USP3: variants seen among roughly 807,000 people sequenced by gnomAD.
USP3 encodes the protein ubiquitin carboxyl-terminal hydrolase 3.
A neutral mutation model predicts 72.3 loss-of-function variants in USP3; 20 were observed. The observed-to-expected ratio is 0.28, with a 90% CI of 0.19 to 0.40. USP3 has a LOEUF of 0.40. Ranked by LOEUF, USP3 falls within the 10% of genes least tolerant of loss-of-function variation. The probability of loss-of-function intolerance (pLI) is 1.00; values close to 1 mark genes in which losing one functional copy is unlikely to be tolerated. For synonymous variants in USP3, 222 were observed against 225.3 expected (o/e 0.99, Z 0.13); for missense variants, 479 against 633.9 (o/e 0.76, Z 2.62).
intron 1 of USP3, 99 bp from the exon 2 acceptor site, chr15:63,532,548 A>C: frequency 7.1e-7 from 1 of 1,411,820 alleles, no homozygotes; most frequent in Non-Finnish European, 1.0e-6. Context: ...CAGCATTCCT[A>C]CATAGCCATG....
At chr15:63,505,040 A>G (rs1273014253) in intron 1 of USP3, among the ~76,000 whole-genome samples, 3 of 150,740 alleles carry the variant, frequency 2.0e-5, no homozygotes, top group Admixed American at 2.0e-4. Flanking sequence ...CGGCCGGGCC[A>G]GCGAAGGAGA....
At chr15:63,512,918 C>T (rs973190428) in intron 1 of USP3, among the ~76,000 whole-genome samples, 2 of 152,196 alleles carry the variant, frequency 1.3e-5, no homozygotes, top group African/African-American at 4.8e-5. Flanking sequence ...TAGTTAGATG[C>T]TTCACAATTA....
rs1567111818 is a variant in USP3 at position 63,553,525 on chromosome 15, T to C, written c.285-190T>C. On this transcript the variant is annotated intron_variant, in intron 3 of 14. Coordinates refer to ENST00000380324, the MANE Select transcript of USP3 (RefSeq NM_006537.4). The surrounding 1 kb of genome is among the most constrained non-coding windows in gnomAD (Gnocchi z 4.2). ...TGAAAAGAAGCTCATGTTCATTGCC[T>C]ACGTGGCTTTTAAAAAAGACTCTTG... 4.6e-6 allele frequency: 2 copies of C among 435,618 alleles called. No homozygotes were observed. Among genetic ancestry groups the C allele is most frequent in the Non-Finnish European group, 8.1e-6 (2 of 247,508 alleles). The allele number at this position is 435,618 out of a possible 1,614,324, so 27.0% of individuals were successfully genotyped here.
rs538025233 is a variant in USP3 at position 63,530,160 on chromosome 15, T to G, written c.92-2487T>G. Among the ~76,000 whole-genome samples, 5 of 151,988 alleles carry G rather than the reference T, an allele frequency of 3.3e-5. No individual in the cohort carries two copies. In the South Asian group the frequency reaches 1.0e-3, roughly 32 times the overall value. ...TCAAAACAAAACAAAAACACAACCT[T>G]GGGCCTAAACTTACTATTGTAACGT... On this transcript the variant is annotated intron_variant, in intron 1 of 14. Coordinates refer to ENST00000380324, the MANE Select transcript of USP3 (RefSeq NM_006537.4).
chr15:63,538,506 T>A (rs2066193385), intron 3 of USP3, among the ~76,000 whole-genome samples: 1 of 151,866 alleles, frequency 6.6e-6, no homozygotes, highest in African/African-American at 2.4e-5. Flanking sequence ...AAGGTGCCCA[T>A]CAAAAGGAAG....
At chr15:63,532,136 G>GTT (rs2152658864) in intron 1 of USP3, among the ~76,000 whole-genome samples, 1 of 152,210 alleles carries the variant, frequency 6.6e-6, no homozygotes, top group South Asian at 2.1e-4. Context: ...ATTATGTGCA[G>GTT]TTGTCATATA....
rs748609348 is a variant in USP3 at position 63,574,293 on chromosome 15, GCT to G, written c.1016-25_1016-24del. 3.9e-6 allele frequency: 6 copies of G among 1,550,262 alleles called. No individual in the cohort carries two copies. The highest frequency in any genetic ancestry group is 5.2e-6 in the Non-Finnish European group (6 of 1,151,138). ...TGAATGGACATATATGCCTTTAACA[GCT>G]CTCTGTTTACCTCTCTCTCCTTTTA... is the stretch of plus-strand genomic sequence containing the variant. On this transcript the variant is annotated intron_variant, in intron 10 of 14. Coordinates refer to ENST00000380324, the MANE Select transcript of USP3 (RefSeq NM_006537.4). This position sits in a 1 kb window ranked among gnomAD's most constrained non-coding sequence, Gnocchi z 4.6.
rs546712582 is a variant in USP3, at chr15:63,554,827, A to G, written c.368+1029A>G. ...AACCAATTAAAGTACTTCAGGTTTAAGTACTTCTTGGTTTGTCATCTTTTG... is the reference window on the plus strand; with the variant it reads ...AACCAATTAAAGTACTTCAGGTTTAGGTACTTCTTGGTTTGTCATCTTTTG... On this transcript the variant is annotated intron_variant, in intron 4 of 14. Coordinates refer to ENST00000380324, the MANE Select transcript of USP3 (RefSeq NM_006537.4). 2.1e-4 allele frequency among the ~76,000 whole-genome samples: 32 copies of G among 152,346 alleles called. 1 individual carries two copies. The highest frequency in any genetic ancestry group is 7.5e-4 in the African/African-American group (31 of 41,574).
intron 1 of USP3, among the ~76,000 whole-genome samples, chr15:63,516,784 GT>G (rs562807101): frequency 6.0e-4 from 88 of 147,220 alleles, no homozygotes; most frequent in African/African-American, 1.7e-3. Context: ...GGCATGGGTA[GT>G]TTTTTTTTTA....
intron 9 of USP3, among the ~76,000 whole-genome samples, chr15:63,571,621 A>G (rs2066780191): frequency 6.6e-6 from 1 of 152,194 alleles, no homozygotes; most frequent in Non-Finnish European, 1.5e-5. Flanking sequence ...TCATCCACAA[A>G]GGATATTGAA....
At chr15:63,587,377 G>C (rs1312790318) in intron 11 of USP3, among the ~76,000 whole-genome samples, 1 of 152,120 alleles carries the variant, frequency 6.6e-6, no homozygotes, top group Non-Finnish European at 1.5e-5. Context: ...ATATCTGATT[G>C]CATCAGGAAT....
intron 1 of USP3, among the ~76,000 whole-genome samples, chr15:63,519,387 T>C (rs1201185563): frequency 1.3e-5 from 2 of 152,098 alleles, no homozygotes; most frequent in Non-Finnish European, 2.9e-5. Flanking sequence ...GAAGAGTTCA[T>C]TTCAGTTATT....
At position 63,594,306 on chromosome 15, in the gene USP3, GC is replaced by G. The variant is rs1410133530; in HGVS notation, c.*3482del. 22 of 152,226 alleles carry G rather than the reference GC, an allele frequency of 1.4e-4. No individual in the cohort carries two copies. The highest frequency in any genetic ancestry group is 5.1e-4 in the African/African-American group (21 of 41,432). The allele number at this position is 152,226 out of a possible 1,614,324, so 9.4% of individuals were successfully genotyped here. On this transcript the variant is annotated 3_prime_UTR_variant, in exon 15 of 15. Transcript: ENST00000380324. ...GAAAAAGTCTGTTCCTGCAGCCAAG[GC>G]CTGGGTCCCAGGTGACTAGGAGTAG...
intron 3 of USP3, among the ~76,000 whole-genome samples, chr15:63,545,980 A>C (rs1021601787): frequency 2.7e-5 from 4 of 150,210 alleles, no homozygotes; most frequent in Non-Finnish European, 5.9e-5. Flanking sequence ...CAAAAAAAAA[A>C]AAAAAAAAAA....
At chr15:63,525,746 C>T (rs1406935049) in intron 1 of USP3, among the ~76,000 whole-genome samples, 1 of 152,146 alleles carries the variant, frequency 6.6e-6, no homozygotes, top group African/African-American at 2.4e-5. Flanking sequence ...AAAAATGTTT[C>T]ATTTGGAAGG....
At chr15:63,546,589 C>T (rs2066331513) in intron 3 of USP3, among the ~76,000 whole-genome samples, 1 of 151,912 alleles carries the variant, frequency 6.6e-6, no homozygotes, top group Non-Finnish European at 1.5e-5. Flanking sequence ...CATCTGTTTG[C>T]CTTTATTTTA....
chr15:63,575,985 C>CT (rs35737078), intron 11 of USP3, among the ~76,000 whole-genome samples: 27,326 of 119,798 alleles, frequency 0.23, 3,745 homozygotes, highest in Middle Eastern at 0.33. Context: ...CTGAACAATA[C>CT]TTTTTTTTTT....
intron 14 of USP3, among the ~76,000 whole-genome samples, chr15:63,589,927 G>GTTTCTTGTTTC (rs2067156177): frequency 6.7e-6 from 1 of 149,254 alleles, no homozygotes; most frequent in East Asian, 1.9e-4. Context: ...CAACTTTTTC[G>GTTTCTTGTTTC]TAACAGCCTA....
At chr15:63,581,687 G>GC (rs1274939263) in intron 11 of USP3, among the ~76,000 whole-genome samples, 16 of 149,618 alleles carry the variant, frequency 1.1e-4, no homozygotes, top group African/African-American at 4.0e-4. Context: ...GAGCCACTGT[G>GC]CCCGGCCCAT....
Sources: allele counts gnomAD v4.1 joint callset (sites outside exome capture counted in the v4.1 genomes callset), GRCh38; gene constraint gnomAD v4.1.1; non-coding constraint Gnocchi (gnomAD v3.1); transcripts MANE v1.5; gene names NCBI Gene and HGNC (gene_info 2026-07-23, HGNC 2026-07-21).